EEF2: variants seen among roughly 807,000 people sequenced by gnomAD.
The protein encoded by EEF2 is elongation factor 2.
A neutral mutation model predicts 85.3 loss-of-function variants in EEF2; 21 were observed. That is an observed-to-expected ratio of 0.25 (90% CI 0.17 to 0.35). The LOEUF (loss-of-function observed/expected upper bound fraction) is 0.35, where lower values mean the gene tolerates loss of function less well. EEF2 is among the 10% of genes least tolerant of loss of function. EEF2 has a pLI of 1.00. For missense variants in EEF2, 825 were observed against 1,225.3 expected (o/e 0.67, Z 4.88); for synonymous variants, 723 against 508.8 (o/e 1.42, Z -5.67).
At chr19:3,984,539 C>A (rs992793283) in intron 1 of EEF2, among the ~76,000 whole-genome samples, 189 bp from the exon 2 acceptor site, 1 of 152,204 alleles carries the variant, frequency 6.6e-6, no homozygotes, top group Admixed American at 6.5e-5. Flanking sequence ...AAGGAACCAC[C>A]GTTAATAGGT....
intron 2 of EEF2, 23 bp from the exon 3 acceptor site, chr19:3,983,314 A>T (rs749834119): frequency 2.5e-6 from 4 of 1,607,322 alleles, no homozygotes; most frequent in Non-Finnish European, 2.6e-6. Flanking sequence ...GGGACTCGTC[A>T]GGGGGACAGG....
chr19:3,979,580 G>A (rs1357275473), intron 10 of EEF2, 144 bp from the exon 11 acceptor site: 11 of 929,272 alleles, frequency 1.2e-5, no homozygotes, highest in Non-Finnish European at 1.6e-5. Context: ...ACAAACTCCT[G>A]AAGAAATGTT....
chr19:3,981,056 G>A (rs1201326388), intron 7 of EEF2, 77 bp from the exon 8 acceptor site: 27 of 1,495,004 alleles, frequency 1.8e-5, no homozygotes, highest in South Asian at 9.1e-5. Flanking sequence ...TTCCTCTCTT[G>A]AAGCCAAGGA....
In EEF2 at chr19:3,985,391, G is replaced by A. The variant is rs769501210; in HGVS notation, c.-11C>T. On this transcript the variant is annotated 5_prime_UTR_variant, in exon 1 of 15. Transcript: ENST00000309311. Reference sequence around the variant, plus strand: ...AGGGTTACTCACCATGGTGGCGGATGGCGGTGGATTCTCCCAGGTAGAACC... The same window carrying A: ...AGGGTTACTCACCATGGTGGCGGATAGCGGTGGATTCTCCCAGGTAGAACC... 3.3e-6 allele frequency: 5 copies of A among 1,512,972 alleles called. No individual in the cohort carries two copies. Among genetic ancestry groups the A allele is most frequent in the South Asian group, 1.3e-5 (1 of 79,602 alleles). The allele number at this position is 1,512,972 out of a possible 1,614,324, so 93.7% of individuals were successfully genotyped here.
At chr19:3,979,543 G>T (rs982596429) in intron 10 of EEF2, 107 bp from the exon 11 acceptor site, 26 of 1,064,044 alleles carry the variant, frequency 2.4e-5, no homozygotes, top group Non-Finnish European at 3.3e-5. Context: ...AAGATTTCAG[G>T]GAAGGTGCTG....
At chr19:3,980,314 G>T (rs2145360465) in intron 9 of EEF2, among the ~76,000 whole-genome samples, 200 bp downstream of exon 9, 1 of 152,334 alleles carries the variant, frequency 6.6e-6, no homozygotes, top group South Asian at 2.1e-4. Context: ...GATGAGCAGG[G>T]GTGTGCTGTG....
chr19:3,979,951 A>C lies in EEF2; in HGVS notation c.1462T>G (p.Phe488Val). ...FLVKTGTITT[F>V]EHAHNMRVMK... ...ACCCGCATGTTGTGCGCGTGCTCGA[A>C]GGTGGTGATGGTGCCCGTCTTCACC... Residue 488 changes from phenylalanine (F) to valine (V), a missense_variant, in exon 10 of 15, where the codon TTC becomes GTC. Phe to Val is a conservative substitution (Grantham distance 50, BLOSUM62 -1). Transcript: ENST00000309311. The C allele has an allele frequency of 1.2e-6, 2 of 1,613,938 alleles. No individual in the cohort carries two copies. Among genetic ancestry groups the C allele is most frequent in the Non-Finnish European group, 1.7e-6 (2 of 1,180,042 alleles).
rs750307882 is a variant in EEF2 at position 3,982,527 on chromosome 19, C to T, written c.613-103G>A. 3.8e-5 allele frequency: 54 copies of T among 1,410,462 alleles called. 1 individual carries two copies. In the South Asian group the frequency reaches 5.4e-4, roughly 14 times the overall value. 87.4% of individuals were successfully genotyped at this position (1,410,462 alleles called of 1,614,324 possible). A position where few individuals can be genotyped will look rare whatever the true frequency, so the allele number is the denominator to read the frequency against. ...ATGGGCCTCAGACGCAGGCTTTCTT[C>T]AGTAGACATCTGGTCAAAGTGAAGA... On this transcript the variant is annotated intron_variant, in intron 4 of 14. Transcript: ENST00000309311.
chr19:3,977,796 G>A lies in EEF2; in HGVS notation c.2067+23C>T. ...TAGAGCCTGGAAACGGGTGTGGTCTGCACATGCTGAGCCGTGCCTCACCTC... is the reference window on the plus strand; with the variant it reads ...TAGAGCCTGGAAACGGGTGTGGTCTACACATGCTGAGCCGTGCCTCACCTC... On this transcript the variant is annotated intron_variant, in intron 12 of 14. Transcript: ENST00000309311. This position sits in a 1 kb window ranked among gnomAD's most constrained non-coding sequence, Gnocchi z 5.4. 6.4e-7 allele frequency: 1 copy of A among 1,559,130 alleles called. No homozygotes were observed. Among genetic ancestry groups the A allele is most frequent in the Non-Finnish European group, 8.7e-7 (1 of 1,148,152 alleles).
At position 3,983,156 on chromosome 19, in the gene EEF2, G is replaced by A. The variant is rs1376478632; in HGVS notation, c.354C>T (p.Ala118=). Residue 118 remains alanine (A), a synonymous_variant, in exon 3 of 15, where the codon GCC becomes GCT. Coordinates refer to ENST00000309311, the MANE Select transcript of EEF2 (RefSeq NM_001961.4). The part of the protein sequence containing the change: ...HVDFSSEVTA[A]LRVTDGALVV... Reference sequence around the variant, plus strand: ...CCAATGCGCCATCGGTGACTCGGAGGGCAGCAGTCACCTCCGAGGAGAAGT... The same window carrying A: ...CCAATGCGCCATCGGTGACTCGGAGAGCAGCAGTCACCTCCGAGGAGAAGT... 9.3e-6 allele frequency: 15 copies of A among 1,614,006 alleles called. No homozygotes were observed. Among genetic ancestry groups the A allele is most frequent in the Non-Finnish European group, 1.1e-5 (13 of 1,180,022 alleles).
chr19:3,980,177 A>C, intron 9 of EEF2, 111 bp from the exon 10 acceptor site: 2 of 1,450,704 alleles, frequency 1.4e-6, no homozygotes. Context: ...GTCCCAGGGC[A>C]GACTGGTGGC....
rs757833144 is a variant in EEF2, at chr19:3,977,184, G to T, written c.2383+31C>A. Reference sequence around the variant, plus strand: ...TCTGTCCCCCAAACCAGCCTGCCAGGCTCTGCAGGCCACACCGGGCAGGCA... The same window carrying T: ...TCTGTCCCCCAAACCAGCCTGCCAGTCTCTGCAGGCCACACCGGGCAGGCA... On this transcript the variant is annotated intron_variant, in intron 14 of 14. Transcript: ENST00000309311. This position sits in a 1 kb window ranked among gnomAD's most constrained non-coding sequence, Gnocchi z 5.4. 1 of 1,605,026 alleles carries T rather than the reference G, an allele frequency of 6.2e-7. No individual in the cohort carries two copies. The highest frequency in any genetic ancestry group is 8.5e-7 in the Non-Finnish European group (1 of 1,174,324).
intron 6 of EEF2, 50 bp downstream of exon 6, chr19:3,981,897 C>G (rs754152602): frequency 1.9e-6 from 3 of 1,571,468 alleles, no homozygotes; most frequent in South Asian, 1.1e-5. Flanking sequence ...CCCACAGGGC[C>G]GAGGGCCAAT....
At chr19:3,984,773 G>C in intron 1 of EEF2, 1 of 199,962 alleles carries the variant, frequency 5.0e-6, no homozygotes. Flanking sequence ...TGGCAAACGG[G>C]ATCAGACAAG....
chr19:3,984,577 A>G (rs2039796101), intron 1 of EEF2, among the ~76,000 whole-genome samples: 1 of 152,198 alleles, frequency 6.6e-6, no homozygotes, highest in Admixed American at 6.5e-5. Context: ...ACCCAGAAAT[A>G]AAAGTGCTCA....
rs532032701 is a variant in EEF2 at position 3,979,445 on chromosome 19, G to A, written c.1606-9C>T. On this transcript the variant is annotated splice_polypyrimidine_tract_variant and intron_variant, in intron 10 of 14. Transcript: ENST00000309311. ...GACTCCTCGATGATGCACTGAAAGG[G>A]ATGCGGGTCAGCACCAAAGGGGTAG... is the stretch of plus-strand genomic sequence containing the variant. The A allele has an allele frequency of 2.5e-6, 4 of 1,611,734 alleles. No individual in the cohort carries two copies. In the East Asian group the frequency reaches 8.9e-5, roughly 36 times the overall value.
At position 3,981,856 on chromosome 19, in the gene EEF2, G is replaced by A. The variant is rs1449172720; in HGVS notation, c.897+91C>T. 1.1e-5 allele frequency: 13 copies of A among 1,197,528 alleles called. No individual in the cohort carries two copies. In the Admixed American group the frequency reaches 2.6e-4, roughly 24 times the overall value. 74.2% of individuals were successfully genotyped at this position (1,197,528 alleles called of 1,614,324 possible). ...TCGCATCTGCCCCACAAGGAGACGG[G>A]CCCAGTCAGCCGACAGGCTACCGGC... On this transcript the variant is annotated intron_variant, in intron 6 of 14. Transcript: ENST00000309311.
At position 3,977,644 on chromosome 19, in the gene EEF2, G is replaced by A. The variant is rs761493523; in HGVS notation, c.2068-34C>T. On this transcript the variant is annotated intron_variant, in intron 12 of 14. Coordinates refer to ENST00000309311, the MANE Select transcript of EEF2 (RefSeq NM_001961.4). This position sits in a 1 kb window ranked among gnomAD's most constrained non-coding sequence, Gnocchi z 5.4. ...GGGGGAGAGCCACCGTCAAGGGCCG[G>A]ACACACCTCGGCTGCTTGCCCTCCA... The A allele has an allele frequency of 6.7e-7, 1 of 1,490,298 alleles. No individual in the cohort carries two copies. The highest frequency in any genetic ancestry group is 8.9e-7 in the Non-Finnish European group (1 of 1,125,632). The allele number at this position is 1,490,298 out of a possible 1,614,324, so 92.3% of individuals were successfully genotyped here.
intron 7 of EEF2, 118 bp from the exon 8 acceptor site, chr19:3,981,097 C>T: frequency 6.9e-7 from 1 of 1,444,402 alleles, no homozygotes; most frequent in Non-Finnish European, 9.2e-7. Context: ...TTCTCCAAAG[C>T]ACAGTCCCTT....
Sources: allele counts gnomAD v4.1 joint callset (sites outside exome capture counted in the v4.1 genomes callset), GRCh38; gene constraint gnomAD v4.1.1; non-coding constraint Gnocchi (gnomAD v3.1); transcripts MANE v1.5; gene names NCBI Gene and HGNC (gene_info 2026-07-23, HGNC 2026-07-21).